Variants in ATL2 observed in about 807,000 individuals in gnomAD.
ATL2 encodes atlastin-2.
In ATL2, 31 loss-of-function variants were observed where a neutral mutation model predicts 73.9. The ratio of observed to expected loss-of-function variants is 0.42; its 90% CI spans 0.32 to 0.57. The LOEUF is 0.57. Ranked by LOEUF, ATL2 falls within the 20% of genes least tolerant of loss-of-function variation. ATL2 has a pLI of 0.14. For synonymous variants in ATL2, 291 were observed against 237.5 expected (o/e 1.23, Z -2.07); for missense variants, 738 against 702.6 (o/e 1.05, Z -0.57).
chr2:38,321,008 A>C (rs932213158), intron 2 of ATL2, among the ~76,000 whole-genome samples: 8 of 149,554 alleles, frequency 5.3e-5, no homozygotes, highest in Non-Finnish European at 1.0e-4. Context: ...AAAAAAAATT[A>C]GCCAGGCGTG....
At chr2:38,334,902 T>TTTATAATATATATATTTATATA (rs1669243015) in intron 2 of ATL2, among the ~76,000 whole-genome samples, 1 of 65,320 alleles carries the variant, frequency 1.5e-5, no homozygotes, top group East Asian at 6.2e-4. Context: ...ATATATATTA[T>TTTATAATATATATATTTATATA]TTATAATATA....
chr2:38,307,357 C>CTT (rs548993472), intron 9 of ATL2, among the ~76,000 whole-genome samples: 198 of 146,174 alleles, frequency 1.4e-3, no homozygotes, highest in Middle Eastern at 7.2e-3. Context: ...GTTTTCTTTT[C>CTT]TTTTTTTTTT....
At chr2:38,304,050 G>C (rs1667325200) in intron 9 of ATL2, among the ~76,000 whole-genome samples, 1 of 152,142 alleles carries the variant, frequency 6.6e-6, no homozygotes, top group African/African-American at 2.4e-5. Flanking sequence ...GATCACTTGA[G>C]GCCAGGAGTT....
intron 2 of ATL2, among the ~76,000 whole-genome samples, chr2:38,341,613 C>G (rs915237459): frequency 6.6e-6 from 1 of 152,136 alleles, no homozygotes; most frequent in Non-Finnish European, 1.5e-5. Flanking sequence ...CATGTTCACA[C>G]CACCGCACTC....
intron 2 of ATL2, among the ~76,000 whole-genome samples, chr2:38,339,774 TC>T (rs1356067309): frequency 6.6e-6 from 1 of 152,166 alleles, no homozygotes; most frequent in Non-Finnish European, 1.5e-5. Context: ...CACTGCAACC[TC>T]CACCTCCCAG....
chr2:38,364,439 T>C (rs1224551838), intron 1 of ATL2, among the ~76,000 whole-genome samples: 1 of 152,042 alleles, frequency 6.6e-6, no homozygotes, highest in African/African-American at 2.4e-5. Context: ...ATAAGGCAAT[T>C]TCAAGAGCCC....
chr2:38,310,214 A>G lies in ATL2; in HGVS notation c.943+95T>C, dbSNP rs143321385. 1.6e-3 allele frequency: 2,258 copies of G among 1,384,894 alleles called. 4 individuals carry two copies. Among genetic ancestry groups the G allele is most frequent in the Non-Finnish European group, 2.1e-3 (2,081 of 996,336 alleles). 85.8% of individuals were successfully genotyped at this position (1,384,894 alleles called of 1,614,324 possible). On this transcript the variant is annotated intron_variant, in intron 8 of 12. Coordinates refer to ENST00000378954, the MANE Select transcript of ATL2 (RefSeq NM_001135673.4). ...ACAATGCATCCAAACATTCTCCAGT[A>G]TAAGACAGGACATTTAAGGCGTCAT...
chr2:38,327,202 A>C (rs1668710753), intron 2 of ATL2, among the ~76,000 whole-genome samples: 1 of 152,168 alleles, frequency 6.6e-6, no homozygotes, highest in Non-Finnish European at 1.5e-5. Flanking sequence ...TCAGAAACTC[A>C]AATCTACATA....
rs60674757 is a variant in ATL2 at position 38,343,183 on chromosome 2, T to C, written c.363+85A>G. On this transcript the variant is annotated intron_variant, in intron 2 of 12. Transcript: ENST00000378954. ...AAAAAAAAAAAAAAAAAAAAAGATA[T>C]AGTTCTGGTTTTTGTCTATTTTTTT... The C allele has an allele frequency of 5.1e-3, 3,607 of 712,410 alleles. 68 individuals are homozygous for C. The East Asian group carries it at 0.053, about 10-fold the overall frequency. 44.1% of individuals were successfully genotyped at this position (712,410 alleles called of 1,614,324 possible).
chr2:38,345,622 C>T, intron 1 of ATL2, among the ~76,000 whole-genome samples: 1 of 152,128 alleles, frequency 6.6e-6, no homozygotes, highest in East Asian at 1.9e-4. Flanking sequence ...TGGTATATAG[C>T]AATAGTCAGG....
At chr2:38,311,170 A>G (rs4670253) in intron 7 of ATL2, among the ~76,000 whole-genome samples, 151,516 of 152,122 alleles carry the variant, frequency 1, 75,456 homozygotes, top group Middle Eastern at 1. Flanking sequence ...TAGCCCCTGA[A>G]CAAAGTAAAA....
chr2:38,308,043 T>C lies in ATL2; in HGVS notation c.1071+1336A>G, dbSNP rs372783084. Among the ~76,000 whole-genome samples, 4 of 151,920 alleles carry C rather than the reference T, an allele frequency of 2.6e-5. No homozygotes were observed. In the South Asian group the frequency reaches 8.5e-4, roughly 32 times the overall value. On this transcript the variant is annotated intron_variant, in intron 9 of 12. Coordinates refer to ENST00000378954, the MANE Select transcript of ATL2 (RefSeq NM_001135673.4). ...AGTACAACCACTATGGAGAACAGTT[T>C]GGGGGTTCCTCAAAAGACTAAAAAT...
intron 1 of ATL2, chr2:38,376,363 C>G (rs1428349071): frequency 1.3e-6 from 1 of 747,796 alleles, no homozygotes; most frequent in Non-Finnish European, 1.9e-6. Flanking sequence ...TTCAGCAAAA[C>G]CAGGGAGCCA....
Position 38,376,244 on chromosome 2 carries a change from T to C in ATL2, c.118+899A>G. 4 of 1,442,314 alleles carry C rather than the reference T, an allele frequency of 2.8e-6. No individual in the cohort carries two copies. The South Asian group carries it at 5.7e-5, about 20-fold the overall frequency. The allele number at this position is 1,442,314 out of a possible 1,614,324, so 89.3% of individuals were successfully genotyped here. ...CACAGTGAGAGATCAAACGCTAAAC[T>C]CCTATAAATAGGGGTGTTATGAGTG... On this transcript the variant is annotated intron_variant, in intron 1 of 12. Coordinates refer to ENST00000378954, the MANE Select transcript of ATL2 (RefSeq NM_001135673.4).
intron 2 of ATL2, among the ~76,000 whole-genome samples, chr2:38,335,119 C>A (rs1296935267): frequency 6.6e-6 from 1 of 151,200 alleles, no homozygotes; most frequent in Non-Finnish European, 1.5e-5. Flanking sequence ...TATACAGCAA[C>A]TGTAAGTCTC....
chr2:38,355,180 GC>G (rs1670586174), intron 1 of ATL2, among the ~76,000 whole-genome samples: 1 of 152,150 alleles, frequency 6.6e-6, no homozygotes, highest in African/African-American at 2.4e-5. Context: ...AGGCTGGAGT[GC>G]AATGGCACGA....
intron 2 of ATL2, among the ~76,000 whole-genome samples, chr2:38,341,570 T>C (rs183338178): frequency 3.3e-5 from 5 of 152,100 alleles, no homozygotes; most frequent in African/African-American, 9.7e-5. Flanking sequence ...CAGAGGAGGT[T>C]GGGCTGCAGT....
intron 1 of ATL2, among the ~76,000 whole-genome samples, chr2:38,362,223 A>G (rs1184733856): frequency 1.3e-5 from 2 of 152,248 alleles, no homozygotes; most frequent in African/African-American, 4.8e-5. Flanking sequence ...AGCTCCCTAA[A>G]GTTCCAGATT....
At chr2:38,359,710 C>T (rs979054201) in intron 1 of ATL2, 1 of 151,866 alleles carries the variant, frequency 6.6e-6, no homozygotes, top group Admixed American at 6.6e-5. Flanking sequence ...TTAAAATAGA[C>T]GAAGAAAAAT....
Sources: gnomAD v4.1 joint callset for allele counts (sites outside exome capture counted in the v4.1 genomes callset) on GRCh38, gnomAD v4.1.1 for gene constraint, MANE v1.5 for transcripts, NCBI Gene and HGNC (gene_info 2026-07-23, HGNC 2026-07-21) for gene names.